The following SAMHD1 variants were observed in gnomAD, a reference collection of about 807,000 sequenced individuals.
The protein encoded by SAMHD1 is SAM and HD domain containing deoxynucleoside triphosphate triphosphohydrolase 1.
SAMHD1 carries 54 observed loss-of-function variants against 79.6 expected under a neutral mutation model. The observed-to-expected ratio is 0.68, with a 90% CI of 0.55 to 0.85. The LOEUF (loss-of-function observed/expected upper bound fraction) is 0.85, where lower values mean the gene tolerates loss of function less well. SAMHD1 is among the 40% of genes least tolerant of loss of function. The probability of loss-of-function intolerance (pLI) is 0.00; values close to 1 mark genes in which losing one functional copy is unlikely to be tolerated. For missense variants in SAMHD1, 663 were observed against 782.7 expected, an observed-to-expected ratio of 0.85 and a Z score of 1.82; for synonymous variants, 260 against 264.1, an observed-to-expected ratio of 0.98 and a Z score of 0.15.
chr20:36,926,941 A>T, intron 6 of SAMHD1: 1 of 469,902 alleles, frequency 2.1e-6, no homozygotes, highest in Non-Finnish European at 3.8e-6. Flanking sequence ...TGATGCATCA[A>T]TACACATCCA....
intron 1 of SAMHD1, among the ~76,000 whole-genome samples, chr20:36,947,605 CCTTT>C (rs1447579392): frequency 7.3e-6 from 1 of 137,486 alleles, no homozygotes; most frequent in African/African-American, 2.7e-5. Flanking sequence ...TGGGTTTTTT[CCTTT>C]CTCTTTCTAT....
At chr20:36,940,850 T>C (rs2063638625) in intron 3 of SAMHD1, 189 bp downstream of exon 3, 2 of 612,788 alleles carry the variant, frequency 3.3e-6, no homozygotes, top group Non-Finnish European at 2.9e-6. Context: ...TTAAACATAT[T>C]TTAGTTCTTC....
chr20:36,944,318 C>CAA (rs34572620), intron 2 of SAMHD1, among the ~76,000 whole-genome samples: 54 of 71,028 alleles, frequency 7.6e-4, no homozygotes, highest in East Asian at 5.2e-3. Flanking sequence ...GACTTCGTCT[C>CAA]AAAAAAAAAA....
Position 36,912,813 on chromosome 20 carries a change from C to T in SAMHD1, c.1063-261G>A, listed in dbSNP as rs6130093. The stretch of plus-strand genomic sequence containing the variant: ...GTCTTGCTATGTTGCTCAGGCTGGT[C>T]TTAAGTGATCTTCCTACCTCAGCCT... On this transcript the variant is annotated intron_variant, in intron 9 of 15. Transcript: ENST00000646673. 6.2e-3 allele frequency among the ~76,000 whole-genome samples: 638 copies of T among 103,448 alleles called. 1 individual carries two copies. The highest frequency in any genetic ancestry group is 9.2e-3 in the Non-Finnish European group (508 of 55,240). The allele number at this position is 103,448 out of a possible 152,430, so 67.9% of individuals were successfully genotyped here. A position where few individuals can be genotyped will look rare whatever the true frequency, so the allele number is the denominator to read the frequency against.
At position 36,949,664 on chromosome 20, in the gene SAMHD1, G is replaced by A. The variant is rs2063719864; in HGVS notation, c.208+1772C>T. Among the ~76,000 whole-genome samples, 3 of 147,388 alleles carry A rather than the reference G, an allele frequency of 2.0e-5. No homozygotes were observed. In the Admixed American group the frequency reaches 2.1e-4, roughly 10 times the overall value. Reference sequence around the variant, plus strand: ...CCCAGCTACTCGGGAGGCTGAGGCAGGAGAATAGCTTGAACCAGGCAGTTA... The same window carrying A: ...CCCAGCTACTCGGGAGGCTGAGGCAAGAGAATAGCTTGAACCAGGCAGTTA... On this transcript the variant is annotated intron_variant, in intron 1 of 15. Coordinates refer to ENST00000646673, the MANE Select transcript of SAMHD1 (RefSeq NM_015474.4).
chr20:36,947,405 G>GGTGT (rs771698070), intron 1 of SAMHD1, among the ~76,000 whole-genome samples: 5 of 29,122 alleles, frequency 1.7e-4, no homozygotes, highest in African/African-American at 1.2e-3. Context: ...ATTTGGAAGA[G>GGTGT]GTGTGTGTGT....
At chr20:36,906,496 G>C (rs907103547) in intron 11 of SAMHD1, among the ~76,000 whole-genome samples, 2 of 152,154 alleles carry the variant, frequency 1.3e-5, no homozygotes, top group African/African-American at 4.8e-5. Context: ...ATTATGTCTA[G>C]GATCTGCTTC....
At chr20:36,914,532 G>C (rs2148367407) in intron 9 of SAMHD1, among the ~76,000 whole-genome samples, 1 of 151,964 alleles carries the variant, frequency 6.6e-6, no homozygotes, top group East Asian at 2.0e-4. Flanking sequence ...TGTATTTTGA[G>C]TAGAGACGGA....
At chr20:36,947,513 GT>G (rs2063699802) in intron 1 of SAMHD1, among the ~76,000 whole-genome samples, 2 of 117,088 alleles carry the variant, frequency 1.7e-5, no homozygotes, top group Non-Finnish European at 3.6e-5. Context: ...GTGTGTGTGT[GT>G]CCTGGGAAAG....
At chr20:36,904,752 GAA>G (rs10709202) in intron 12 of SAMHD1, 6 of 162,618 alleles carry the variant, frequency 3.7e-5, no homozygotes, top group East Asian at 1.7e-4. Flanking sequence ...TTCACATTTT[GAA>G]AAAAAAAAAG....
intron 5 of SAMHD1, among the ~76,000 whole-genome samples, chr20:36,930,119 A>G (rs1479294338): frequency 6.6e-6 from 1 of 152,040 alleles, no homozygotes; most frequent in Non-Finnish European, 1.5e-5. Context: ...TAAGAAGGAT[A>G]AAAGAAAAAT....
intron 10 of SAMHD1, chr20:36,912,136 A>G (rs2063444384): frequency 3.2e-6 from 1 of 316,232 alleles, no homozygotes; most frequent in Non-Finnish European, 6.0e-6. Context: ...CATTCTCCTG[A>G]TGAGAATGGT....
Position 36,891,973 on chromosome 20 carries a change from G to A in SAMHD1, c.*959C>T, listed in dbSNP as rs767208155. ...GCCAGCTCTCCAGGATACTGAGAGA[G>A]CAGGTCAGGGGAGGCCTTCTCCAGG... On this transcript the variant is annotated 3_prime_UTR_variant, in exon 16 of 16. Transcript: ENST00000646673. 3.3e-5 allele frequency: 5 copies of A among 152,372 alleles called. No homozygotes were observed. Among genetic ancestry groups the A allele is most frequent in the Admixed American group, 6.5e-5 (1 of 15,280 alleles). The allele number at this position is 152,372 out of a possible 1,614,324, so 9.4% of individuals were successfully genotyped here. A position where few individuals can be genotyped will look rare whatever the true frequency, so the allele number is the denominator to read the frequency against.
rs1600394273 is a variant in SAMHD1 at position 36,946,453 on chromosome 20, G to A, written c.275+285C>T. On this transcript the variant is annotated intron_variant, in intron 2 of 15. Transcript: ENST00000646673. ...CGAAAAAAAATTAGTGGGGCATGGT[G>A]GTGGGCACCTGTAATCCTAGCTACT... 7 of 334,584 alleles carry A rather than the reference G, an allele frequency of 2.1e-5. No homozygotes were observed. In the East Asian group the frequency reaches 4.7e-4, roughly 22 times the overall value. The allele number at this position is 334,584 out of a possible 1,614,324, so 20.7% of individuals were successfully genotyped here.
At chr20:36,901,796 C>A (rs915575898) in intron 13 of SAMHD1, among the ~76,000 whole-genome samples, 1 of 152,166 alleles carries the variant, frequency 6.6e-6, no homozygotes, top group African/African-American at 2.4e-5. Flanking sequence ...TCAGTTACAG[C>A]AACCACATGT....
At chr20:36,910,479 T>C (rs563361508) in intron 11 of SAMHD1, among the ~76,000 whole-genome samples, 23 of 152,010 alleles carry the variant, frequency 1.5e-4, no homozygotes, top group Admixed American at 9.2e-4. Context: ...TCTGTAATCC[T>C]AGCACTCTGG....
At chr20:36,925,269 G>A (rs1456794429) in intron 6 of SAMHD1, among the ~76,000 whole-genome samples, 1 of 152,150 alleles carries the variant, frequency 6.6e-6, no homozygotes, top group African/African-American at 2.4e-5. Context: ...GAATAGATTT[G>A]GTAATGATTG....
chr20:36,939,322 T>TTGG (rs1176112833), intron 3 of SAMHD1, among the ~76,000 whole-genome samples: 1 of 146,652 alleles, frequency 6.8e-6, no homozygotes, highest in Non-Finnish European at 1.5e-5. Context: ...GCCAGACGTG[T>TTGG]TGGCTCATGC....
chr20:36,894,384 G>A lies in SAMHD1; in HGVS notation c.1747-1318C>T, dbSNP rs570418231. 4 of 152,152 alleles carry A rather than the reference G, an allele frequency of 2.6e-5. No homozygotes were observed. In the East Asian group the frequency reaches 7.8e-4, roughly 30 times the overall value. The allele number at this position is 152,152 out of a possible 1,614,324, so 9.4% of individuals were successfully genotyped here. A position where few individuals can be genotyped will look rare whatever the true frequency, so the allele number is the denominator to read the frequency against. On this transcript the variant is annotated intron_variant, in intron 15 of 15. Transcript: ENST00000646673. ...CCCAAGTAGCTGGGATTATAGGTGTGCATCACCATGGCTAATTTTTGTATT... is the reference window on the plus strand; with the variant it reads ...CCCAAGTAGCTGGGATTATAGGTGTACATCACCATGGCTAATTTTTGTATT...
Sources: allele counts gnomAD v4.1 joint callset (sites outside exome capture counted in the v4.1 genomes callset), GRCh38; gene constraint gnomAD v4.1.1; transcripts MANE v1.5; gene names NCBI Gene and HGNC (gene_info 2026-07-23, HGNC 2026-07-21).